RFX3: variants seen among roughly 807,000 people sequenced by gnomAD.
The protein encoded by RFX3 is transcription factor RFX3.
Under a neutral mutation model 98.6 loss-of-function variants are expected in RFX3, and 14 were observed. That is an observed-to-expected ratio of 0.14 (90% CI 0.09 to 0.22). RFX3 has a LOEUF of 0.22. Ranked by LOEUF, RFX3 falls within the 10% of genes least tolerant of loss-of-function variation. The pLI, the probability that RFX3 is intolerant of heterozygous loss-of-function variation, is 1.00. For synonymous variants in RFX3, 383 were observed against 328.4 expected, an observed-to-expected ratio of 1.17 and a Z score of -1.80; for missense variants, 639 against 926.9, an observed-to-expected ratio of 0.69 and a Z score of 4.03.
intron 15 of RFX3, among the ~76,000 whole-genome samples, chr9:3,230,025 T>A (rs566692969): frequency 2.0e-5 from 3 of 152,320 alleles, no homozygotes; most frequent in Admixed American, 2.0e-4. Context: ...AGTTTATGCA[T>A]CATTAGGAAA....
intron 1 of RFX3, among the ~76,000 whole-genome samples, chr9:3,489,945 G>C (rs1333389229): frequency 1.3e-5 from 2 of 152,116 alleles, no homozygotes; most frequent in Non-Finnish European, 2.9e-5. Context: ...GGTTGGGATG[G>C]GAAGTTGGTA....
intron 1 of RFX3, among the ~76,000 whole-genome samples, chr9:3,480,162 G>C (rs1264133369): frequency 6.6e-6 from 1 of 152,146 alleles, no homozygotes; most frequent in Non-Finnish European, 1.5e-5. Flanking sequence ...ATCTGAGCAG[G>C]GCTCAACTAG....
At chr9:3,283,096 C>A (rs1015595936) in intron 7 of RFX3, among the ~76,000 whole-genome samples, 5 of 151,648 alleles carry the variant, frequency 3.3e-5, no homozygotes, top group African/African-American at 1.2e-4. Context: ...ATTATCATTA[C>A]ATCACCAGGG....
intron 2 of RFX3, among the ~76,000 whole-genome samples, chr9:3,392,584 C>G (rs1226147145): frequency 6.6e-6 from 1 of 151,834 alleles, no homozygotes; most frequent in African/African-American, 2.4e-5. Flanking sequence ...AATAAAGTTT[C>G]CCAGAAATGA....
chr9:3,275,615 G>A lies in RFX3; in HGVS notation c.974-3C>T, dbSNP rs745325058. ...CTCTGGAAGTGCTCGAGATGCATCT[G>A]TTACCGTGACAACAGAACAGAAAAA... On this transcript the variant is annotated splice_region_variant and splice_polypyrimidine_tract_variant and intron_variant, in intron 8 of 16. Coordinates refer to ENST00000617270, the MANE Select transcript of RFX3 (RefSeq NM_001282116.2). The A allele has an allele frequency of 3.0e-5, 48 of 1,574,088 alleles. 1 individual carries two copies. The South Asian group carries it at 4.9e-4, about 16-fold the overall frequency.
At chr9:3,376,623 C>T (rs572923645) in intron 2 of RFX3, among the ~76,000 whole-genome samples, 45 of 152,202 alleles carry the variant, frequency 3.0e-4, no homozygotes, top group African/African-American at 1.0e-3. Context: ...AGCTTCTGCA[C>T]AGCAAAAGAA....
At position 3,291,314 on chromosome 9, in the gene RFX3, G is replaced by C. The variant is rs894980549; in HGVS notation, c.731+1763C>G. On this transcript the variant is annotated intron_variant, in intron 6 of 16. Coordinates refer to ENST00000617270, the MANE Select transcript of RFX3 (RefSeq NM_001282116.2). Reference sequence around the variant, plus strand: ...TTGAACCCGGGGGGCAGAGGTTGCAGTGAGCTGAGATTGGGGCACTGCACT... The same window carrying C: ...TTGAACCCGGGGGGCAGAGGTTGCACTGAGCTGAGATTGGGGCACTGCACT... Among the ~76,000 whole-genome samples the C allele has an allele frequency of 2.6e-5, 4 of 152,198 alleles. No homozygotes were observed. The South Asian group carries it at 8.3e-4, about 32-fold the overall frequency.
intron 1 of RFX3, among the ~76,000 whole-genome samples, chr9:3,433,696 C>T (rs1844862588): frequency 6.6e-6 from 1 of 152,150 alleles, no homozygotes; most frequent in Non-Finnish European, 1.5e-5. Flanking sequence ...ACTGTTCAAA[C>T]ATTGCCTATT....
rs71324247 is a variant in RFX3, at chr9:3,398,914, T to TAAAAAAA, written c.-8-3325_-8-3319dup. On this transcript the variant is annotated intron_variant, in intron 1 of 16. Transcript: ENST00000617270. ...ATGTACCCTAAAACTTAGAGTATAATAAAAAAAAAAAAAAAAAAAAAAAAA... is the reference window on the plus strand; with the variant it reads ...ATGTACCCTAAAACTTAGAGTATAATAAAAAAAAAAAAAAAAAAAAAAAAAAAAAAAA... Among the ~76,000 whole-genome samples the TAAAAAAA allele has an allele frequency of 3.1e-3, 206 of 67,462 alleles. 2 individuals are homozygous for TAAAAAAA. Among genetic ancestry groups the TAAAAAAA allele is most frequent in the Middle Eastern group, 0.011 (1 of 92 alleles). 44.3% of individuals were successfully genotyped at this position (67,462 alleles called of 152,430 possible).
intron 4 of RFX3, among the ~76,000 whole-genome samples, chr9:3,330,038 G>A (rs980495462): frequency 3.3e-5 from 5 of 152,110 alleles, no homozygotes; most frequent in Admixed American, 2.6e-4. Flanking sequence ...CTAATTGCCA[G>A]TAAAATTAAA....
At chr9:3,504,900 TTATA>T (rs372833954) in intron 1 of RFX3, among the ~76,000 whole-genome samples, 55 of 62,702 alleles carry the variant, frequency 8.8e-4, no homozygotes, top group South Asian at 5.5e-3. Context: ...ATAACATATA[TTATA>T]TATATATATA....
chr9:3,333,250 T>G (rs1832796097), intron 3 of RFX3, among the ~76,000 whole-genome samples: 1 of 152,216 alleles, frequency 6.6e-6, no homozygotes, highest in South Asian at 2.1e-4. Context: ...TTGATTAATT[T>G]AAAACAAATA....
rs988845374 is a variant in RFX3 at position 3,218,988 on chromosome 9, T to G, written c.*6054A>C. The G allele has an allele frequency of 6.6e-6, 1 of 152,122 alleles. No individual in the cohort carries two copies. Among genetic ancestry groups the G allele is most frequent in the Non-Finnish European group, 1.5e-5 (1 of 68,002 alleles). 9.4% of individuals were successfully genotyped at this position (152,122 alleles called of 1,614,324 possible). On this transcript the variant is annotated 3_prime_UTR_variant, in exon 17 of 17. Coordinates refer to ENST00000617270, the MANE Select transcript of RFX3 (RefSeq NM_001282116.2). ...ACGAAAGCCCTGAGTGATAGTGAAG[T>G]TACTGATTGGTAAGCACTACAATTA... is the stretch of plus-strand genomic sequence containing the variant.
chr9:3,242,312 A>G (rs529627364), intron 15 of RFX3, among the ~76,000 whole-genome samples: 18 of 152,312 alleles, frequency 1.2e-4, no homozygotes, highest in African/African-American at 4.3e-4. Context: ...ATACTAATAT[A>G]GTAAATAATA....
chr9:3,383,629 CA>C (rs1427973709), intron 2 of RFX3, among the ~76,000 whole-genome samples: 1 of 151,876 alleles, frequency 6.6e-6, no homozygotes, highest in Non-Finnish European at 1.5e-5. Flanking sequence ...GCAGCCAGGA[CA>C]AAGAGAGTGG....
chr9:3,316,693 T>G (rs1830636402), intron 4 of RFX3, among the ~76,000 whole-genome samples: 1 of 152,140 alleles, frequency 6.6e-6, no homozygotes. Flanking sequence ...GGCTACAAAA[T>G]CAATGTGCAA....
chr9:3,441,644 C>A (rs1845618170), intron 1 of RFX3, among the ~76,000 whole-genome samples: 1 of 151,724 alleles, frequency 6.6e-6, no homozygotes. Flanking sequence ...AAAGCTGGAA[C>A]GAGTAACAAA....
intron 1 of RFX3, chr9:3,489,325 C>T (rs1217965140): frequency 2.1e-6 from 1 of 467,234 alleles, no homozygotes; most frequent in Non-Finnish European, 2.8e-6. Flanking sequence ...CCCTCTGACA[C>T]CCTTCCCACC....
At chr9:3,330,931 T>G (rs1174225533) in intron 3 of RFX3, among the ~76,000 whole-genome samples, 1 of 152,196 alleles carries the variant, frequency 6.6e-6, no homozygotes, top group African/African-American at 2.4e-5. Flanking sequence ...TAGCTAATAC[T>G]CAGACTACTT....
Sources: gnomAD v4.1 joint callset for allele counts (sites outside exome capture counted in the v4.1 genomes callset) on GRCh38, gnomAD v4.1.1 for gene constraint, MANE v1.5 for transcripts, NCBI Gene and HGNC (gene_info 2026-07-23, HGNC 2026-07-21) for gene names.